ADAM2: variants seen among roughly 807,000 people sequenced by gnomAD.
ADAM2 encodes ADAM metallopeptidase domain 2.
A neutral mutation model predicts 99.3 loss-of-function variants in ADAM2; 101 were observed. The ratio of observed to expected loss-of-function variants is 1.02; its 90% CI spans 0.87 to 1.20. The LOEUF (loss-of-function observed/expected upper bound fraction) is 1.20, where lower values mean the gene tolerates loss of function less well. Ranked by LOEUF, ADAM2 falls within the 50% of genes most tolerant of loss-of-function variation. The pLI is 0.00. For missense variants in ADAM2, 948 were observed against 878.7 expected (o/e 1.08, Z -1.00); for synonymous variants, 323 against 287.6 (o/e 1.12, Z -1.25).
intron 10 of ADAM2, 119 bp from the exon 11 acceptor site, chr8:39,777,280 G>T (rs1257679156): frequency 5.6e-6 from 4 of 712,340 alleles, no homozygotes; most frequent in Non-Finnish European, 9.1e-6. Flanking sequence ...TCCCAAAAGT[G>T]CCATCCTTGT....
intron 3 of ADAM2, among the ~76,000 whole-genome samples, chr8:39,830,782 A>T (rs950451146): frequency 6.6e-6 from 1 of 152,344 alleles, no homozygotes; most frequent in East Asian, 1.9e-4. Flanking sequence ...AACGAAAAAA[A>T]AAATCAATAC....
intron 7 of ADAM2, among the ~76,000 whole-genome samples, chr8:39,800,656 A>C (rs1399269465): frequency 1.3e-5 from 2 of 152,038 alleles, no homozygotes; most frequent in African/African-American, 4.8e-5. Context: ...TCTCCTTCTG[A>C]TACTCCAATC....
chr8:39,802,464 A>G (rs1804259694), intron 7 of ADAM2, among the ~76,000 whole-genome samples: 2 of 152,000 alleles, frequency 1.3e-5, no homozygotes. Context: ...AGCTCTGTTC[A>G]TTGTTTTTGA....
intron 14 of ADAM2, among the ~76,000 whole-genome samples, chr8:39,766,267 AG>A (rs1238959851): frequency 6.6e-6 from 1 of 152,132 alleles, no homozygotes; most frequent in African/African-American, 2.4e-5. Context: ...ATGAAGTAAA[AG>A]TATAGTTTGT....
At chr8:39,768,870 A>G (rs1802665375) in intron 12 of ADAM2, among the ~76,000 whole-genome samples, 2 of 152,170 alleles carry the variant, frequency 1.3e-5, no homozygotes, top group African/African-American at 4.8e-5. Flanking sequence ...TCAGTTCTGC[A>G]AGATGAATAC....
intron 4 of ADAM2, among the ~76,000 whole-genome samples, chr8:39,823,684 C>T (rs924486109): frequency 6.6e-6 from 1 of 151,926 alleles, no homozygotes; most frequent in Non-Finnish European, 1.5e-5. Flanking sequence ...TCTGTCCTCT[C>T]TCTCATGCAT....
intron 15 of ADAM2, among the ~76,000 whole-genome samples, chr8:39,759,858 T>C (rs1802282397): frequency 6.6e-6 from 1 of 152,192 alleles, no homozygotes; most frequent in African/African-American, 2.4e-5. Context: ...ATTCTAGTTC[T>C]AATTTATTTA....
chr8:39,788,281 C>T (rs748567878), intron 8 of ADAM2, 30 bp from the exon 9 acceptor site: 4 of 1,370,452 alleles, frequency 2.9e-6, no homozygotes, highest in East Asian at 2.6e-5. Context: ...AAAGTGTGCT[C>T]AAAAGTCACA....
chr8:39,834,341 A>C (rs191562419), intron 2 of ADAM2, among the ~76,000 whole-genome samples: 1 of 152,242 alleles, frequency 6.6e-6, no homozygotes, highest in Non-Finnish European at 1.5e-5. Context: ...TGTGCTAATA[A>C]AGATATTTGA....
intron 2 of ADAM2, among the ~76,000 whole-genome samples, chr8:39,836,435 A>T (rs1805825674): frequency 6.6e-6 from 1 of 152,128 alleles, no homozygotes; most frequent in African/African-American, 2.4e-5. Context: ...TTTAAAAATG[A>T]TTTAAATAAC....
intron 7 of ADAM2, among the ~76,000 whole-genome samples, chr8:39,802,333 G>A (rs2129586465): frequency 6.6e-6 from 1 of 152,240 alleles, no homozygotes; most frequent in Non-Finnish European, 1.5e-5. Flanking sequence ...GAAAGAACCT[G>A]GATACCCTGG....
chr8:39,836,994 A>G (rs1414024012), intron 2 of ADAM2, 142 bp downstream of exon 2: 1 of 596,528 alleles, frequency 1.7e-6, no homozygotes, highest in Non-Finnish European at 2.8e-6. Context: ...TTCATTTTCA[A>G]AAGGGCTTTT....
intron 6 of ADAM2, among the ~76,000 whole-genome samples, chr8:39,819,199 T>C (rs1484496702): frequency 6.6e-6 from 1 of 152,036 alleles, no homozygotes; most frequent in Non-Finnish European, 1.5e-5. Context: ...TAATGGACTA[T>C]AATTTTAAGT....
intron 10 of ADAM2, among the ~76,000 whole-genome samples, chr8:39,779,674 A>G (rs1803140378): frequency 6.6e-6 from 1 of 152,172 alleles, no homozygotes; most frequent in Non-Finnish European, 1.5e-5. Flanking sequence ...TTTGGTGAAT[A>G]TACCTGTTTA....
At chr8:39,830,882 T>A (rs1805588894) in intron 3 of ADAM2, among the ~76,000 whole-genome samples, 1 of 152,174 alleles carries the variant, frequency 6.6e-6, no homozygotes, top group African/African-American at 2.4e-5. Context: ...GGTGATACTT[T>A]AGAGAGATGA....
chr8:39,809,491 T>G (rs535457499), intron 6 of ADAM2, 25 bp from the exon 7 acceptor site: 22 of 1,168,958 alleles, frequency 1.9e-5, no homozygotes, highest in Non-Finnish European at 2.8e-5. Context: ...AAATTTTACA[T>G]CAAAATTACA....
chr8:39,794,976 T>C (rs574152903), intron 7 of ADAM2, among the ~76,000 whole-genome samples: 1 of 152,250 alleles, frequency 6.6e-6, no homozygotes, highest in African/African-American at 2.4e-5. Context: ...CTCTATATTA[T>C]GCAATTCATA....
chr8:39,775,206 T>C (rs1586081537), intron 11 of ADAM2, among the ~76,000 whole-genome samples: 2 of 152,116 alleles, frequency 1.3e-5, no homozygotes. Context: ...TTTTTTAGAG[T>C]GTCCTAGGAA....
At chr8:39,818,371 A>G (rs1378505672) in intron 6 of ADAM2, among the ~76,000 whole-genome samples, 3 of 152,092 alleles carry the variant, frequency 2.0e-5, no homozygotes, top group East Asian at 3.8e-4. Context: ...ACAAAATCCA[A>G]CAACCCTTAA....
Sources: gnomAD v4.1 joint callset for allele counts (sites outside exome capture counted in the v4.1 genomes callset) on GRCh38, gnomAD v4.1.1 for gene constraint, MANE v1.5 for transcripts, NCBI Gene and HGNC (gene_info 2026-07-23, HGNC 2026-07-21) for gene names.